COL19A1: variants seen among roughly 807,000 people sequenced by gnomAD.
COL19A1 encodes collagen type XIX alpha 1 chain, also known as collagen alpha-1(XIX) chain.
COL19A1 carries 159 observed loss-of-function variants against 190.2 expected under a neutral mutation model. The ratio of observed to expected loss-of-function variants is 0.84; its 90% CI spans 0.73 to 0.95. COL19A1 has a LOEUF of 0.95. Ranked by LOEUF, COL19A1 falls within the 40% of genes least tolerant of loss-of-function variation. The probability of loss-of-function intolerance (pLI) is 0.00; values close to 1 mark genes in which losing one functional copy is unlikely to be tolerated. For missense variants in COL19A1, 1,418 were observed against 1,431.9 expected (o/e 0.99, Z 0.16); for synonymous variants, 509 against 458.9 (o/e 1.11, Z -1.39).
intron 49 of COL19A1, among the ~76,000 whole-genome samples, chr6:70,206,339 C>G (rs191074315): frequency 1.2e-4 from 18 of 152,230 alleles, no homozygotes; most frequent in African/African-American, 4.1e-4. Flanking sequence ...AAGAGTATAA[C>G]TAGTTGGGGC....
At chr6:70,114,710 G>A (rs1784468076) in intron 16 of COL19A1, among the ~76,000 whole-genome samples, 1 of 151,758 alleles carries the variant, frequency 6.6e-6, no homozygotes, top group African/African-American at 2.4e-5. Flanking sequence ...TCTTCTATCT[G>A]CTTGGCTCCC....
intron 4 of COL19A1, among the ~76,000 whole-genome samples, chr6:69,904,107 A>G (rs1770364708): frequency 6.6e-6 from 1 of 152,120 alleles, no homozygotes. Context: ...GCAGCTAGAG[A>G]GCCAAAATCA....
At chr6:70,149,955 A>T in intron 29 of COL19A1, 37 bp from the exon 30 acceptor site, 1 of 1,613,818 alleles carries the variant, frequency 6.2e-7, no homozygotes, top group Non-Finnish European at 8.5e-7. Context: ...CACCTGTGCC[A>T]CGTGCAAAGA....
At position 70,010,488 on chromosome 6, in the gene COL19A1, G is replaced by C. The variant is rs1167053935; in HGVS notation, c.1027-13139G>C. 1.4e-5 allele frequency among the ~76,000 whole-genome samples: 2 copies of C among 142,920 alleles called. 1 individual carries two copies. Among genetic ancestry groups the C allele is most frequent in the Admixed American group, 1.4e-4 (2 of 14,552 alleles). The allele number at this position is 142,920 out of a possible 152,430, so 93.8% of individuals were successfully genotyped here. ...TAGGGAGTGCCAGAGAGTTGGCGCA[G>C]GCCAGTGTGTGTGCGCACCGTGCGC... On this transcript the variant is annotated intron_variant, in intron 11 of 50. Coordinates refer to ENST00000620364, the MANE Select transcript of COL19A1 (RefSeq NM_001858.6).
intron 2 of COL19A1, among the ~76,000 whole-genome samples, chr6:69,888,927 G>T (rs1769137053): frequency 6.6e-6 from 1 of 151,428 alleles, no homozygotes; most frequent in African/African-American, 2.4e-5. Flanking sequence ...ATATTCCTTT[G>T]TCAGATGTAT....
chr6:70,189,160 C>T (rs980337025), intron 47 of COL19A1, among the ~76,000 whole-genome samples: 1 of 151,920 alleles, frequency 6.6e-6, no homozygotes, highest in African/African-American at 2.4e-5. Context: ...TATTTTTTGT[C>T]ATTCTAAGTC....
chr6:69,897,572 G>T (rs1419583850), intron 2 of COL19A1, among the ~76,000 whole-genome samples: 1 of 151,876 alleles, frequency 6.6e-6, no homozygotes, highest in Non-Finnish European at 1.5e-5. Context: ...TTTAAGTCTT[G>T]CATTCTAAGC....
At chr6:70,033,811 T>TA (rs1779200459) in intron 12 of COL19A1, among the ~76,000 whole-genome samples, 2 of 152,126 alleles carry the variant, frequency 1.3e-5, no homozygotes, top group Non-Finnish European at 2.9e-5. Flanking sequence ...CCCTCACAAT[T>TA]AGATTTCTTG....
intron 46 of COL19A1, among the ~76,000 whole-genome samples, chr6:70,185,475 G>A (rs1252837300): frequency 6.6e-6 from 1 of 152,164 alleles, no homozygotes; most frequent in African/African-American, 2.4e-5. Context: ...GAGTAAAGAA[G>A]GTGGTGTGAG....
At chr6:70,037,242 G>A (rs1414063830) in intron 14 of COL19A1, among the ~76,000 whole-genome samples, 6 of 151,834 alleles carry the variant, frequency 4.0e-5, no homozygotes, top group East Asian at 1.9e-4. Context: ...TGCAACCTCC[G>A]CCTCCCGGGT....
At chr6:69,879,215 A>G (rs1036141409) in intron 1 of COL19A1, among the ~76,000 whole-genome samples, 8 of 152,170 alleles carry the variant, frequency 5.3e-5, no homozygotes, top group African/African-American at 1.9e-4. Context: ...TGTGTATTTG[A>G]CCACAATGTT....
At chr6:70,021,810 A>G (rs6906379) in intron 11 of COL19A1, among the ~76,000 whole-genome samples, 61 of 152,234 alleles carry the variant, frequency 4.0e-4, no homozygotes, top group Middle Eastern at 3.4e-3. Context: ...TTTAGTTTTA[A>G]TTTTAGTAGC....
chr6:70,114,279 A>G (rs1784442135), intron 16 of COL19A1, among the ~76,000 whole-genome samples: 1 of 152,192 alleles, frequency 6.6e-6, no homozygotes, highest in Non-Finnish European at 1.5e-5. Flanking sequence ...AACCAGCTTT[A>G]AGATGATTGG....
At chr6:69,974,830 TGA>T (rs1485672381) in intron 11 of COL19A1, among the ~76,000 whole-genome samples, 1 of 136,358 alleles carries the variant, frequency 7.3e-6, no homozygotes, top group East Asian at 2.0e-4. Flanking sequence ...TTTTTTTTTT[TGA>T]GACGGAGTCT....
intron 11 of COL19A1, among the ~76,000 whole-genome samples, chr6:69,988,507 C>T (rs1302538326): frequency 2.6e-5 from 4 of 152,060 alleles, no homozygotes; most frequent in East Asian, 1.9e-4. Flanking sequence ...AATGCTATAC[C>T]GGAATCATTT....
At chr6:69,929,794 G>A in intron 6 of COL19A1, 94 bp downstream of exon 6, 1 of 1,122,120 alleles carries the variant, frequency 8.9e-7, no homozygotes, top group Non-Finnish European at 1.2e-6. Context: ...CTGTGTAATA[G>A]ATTCCCTTCT....
intron 1 of COL19A1, among the ~76,000 whole-genome samples, chr6:69,879,092 G>T (rs12208896): frequency 0.17 from 26,230 of 151,956 alleles, 2,644 homozygotes; most frequent in Middle Eastern, 0.32. Flanking sequence ...TTTCAGTTTT[G>T]CAAAATGAAA....
intron 11 of COL19A1, among the ~76,000 whole-genome samples, chr6:69,997,427 G>A (rs1270932999): frequency 6.6e-6 from 1 of 152,190 alleles, no homozygotes; most frequent in African/African-American, 2.4e-5. Context: ...CTCAGATACT[G>A]AATTTAGCAA....
rs151295705 is a variant in COL19A1 at position 70,186,634 on chromosome 6, T to C, written c.2857-1441T>C. ...GACCACTTCAAGCATCATTCCGTCA[T>C]ATTTGGTGTGAGGATCACTTCCTGG... On this transcript the variant is annotated intron_variant, in intron 46 of 50. Transcript: ENST00000620364. Among the ~76,000 whole-genome samples the C allele has an allele frequency of 2.7e-3, 406 of 152,272 alleles. 2 individuals are homozygous for C. Among genetic ancestry groups the C allele is most frequent in the African/African-American group, 9.1e-3 (379 of 41,544 alleles).
Sources: allele counts gnomAD v4.1 joint callset (sites outside exome capture counted in the v4.1 genomes callset), GRCh38; gene constraint gnomAD v4.1.1; transcripts MANE v1.5; gene names NCBI Gene and HGNC (gene_info 2026-07-23, HGNC 2026-07-21).